Variants in ECT2 observed in about 807,000 individuals in gnomAD.
ECT2 encodes epithelial cell transforming 2.
ECT2 carries 61 observed loss-of-function variants against 116.9 expected under a neutral mutation model. The ratio of observed to expected loss-of-function variants is 0.52; its 90% CI spans 0.42 to 0.65. ECT2 has a LOEUF of 0.65. Among genes scored for constraint, ECT2 ranks in the 30% least tolerant of loss-of-function variants. ECT2 has a pLI of 0.00. For synonymous variants in ECT2, 358 were observed against 346.4 expected (o/e 1.03, Z -0.37); for missense variants, 937 against 1,078.7 (o/e 0.87, Z 1.84).
the ECT2 span, among the ~76,000 whole-genome samples, chr3:172,828,235 A>C: frequency 6.6e-6 from 1 of 152,170 alleles, no homozygotes; most frequent in Non-Finnish European, 1.5e-5. Flanking sequence ...GAAGACCTTA[A>C]TTGATATGAT....
intron 13 of ECT2, among the ~76,000 whole-genome samples, chr3:172,773,101 TAAATTTATAA>T (rs1720951023): frequency 6.6e-6 from 1 of 152,224 alleles, no homozygotes; most frequent in Non-Finnish European, 1.5e-5. Context: ...TGATTGGCAC[TAAATTTATAA>T]ATCAATTTGA....
At chr3:172,768,164 T>C (rs1434741314) in intron 12 of ECT2, among the ~76,000 whole-genome samples, 1 of 152,188 alleles carries the variant, frequency 6.6e-6, no homozygotes, top group Admixed American at 6.6e-5. Flanking sequence ...TTGGGTTTTT[T>C]GTGGGGGGGC....
downstream of ECT2, among the ~76,000 whole-genome samples, chr3:172,823,034 GTC>G (rs1278159010): frequency 2.6e-5 from 4 of 150,960 alleles, no homozygotes; most frequent in Admixed American, 2.6e-4. Context: ...ATTGAGCAAA[GTC>G]AATTAAAAAA....
chr3:172,823,613 C>T (rs1730773168), downstream of ECT2, among the ~76,000 whole-genome samples: 1 of 152,072 alleles, frequency 6.6e-6, no homozygotes. Context: ...GCAGCTATCT[C>T]AATAAAGTGA....
chr3:172,761,755 GA>G lies in ECT2; in HGVS notation c.758+78del, dbSNP rs1044569806. The G allele has an allele frequency of 1.3e-5, 14 of 1,076,778 alleles. No homozygotes were observed. In the African/African-American group the frequency reaches 2.1e-4, roughly 16 times the overall value. 66.7% of individuals were successfully genotyped at this position (1,076,778 alleles called of 1,614,324 possible). Reference sequence around the variant, plus strand: ...TGGTTTAAAGATAAATCCATGTGCTGAAAAAAGTAATTTCATAGATATAAAA... The same window carrying G: ...TGGTTTAAAGATAAATCCATGTGCTGAAAAAGTAATTTCATAGATATAAAA... On this transcript the variant is annotated intron_variant, in intron 8 of 24. Transcript: ENST00000392692.
intron 5 of ECT2, among the ~76,000 whole-genome samples, 198 bp downstream of exon 5, chr3:172,757,363 A>G (rs574633143): frequency 6.6e-6 from 1 of 151,884 alleles, no homozygotes. Flanking sequence ...GGCCTTTGAA[A>G]GTTAAATAAT....
chr3:172,820,035 A>G (rs1730480352), intron 24 of ECT2, 113 bp from the exon 25 acceptor site: 1 of 665,030 alleles, frequency 1.5e-6, no homozygotes. Flanking sequence ...TCTTGTACTT[A>G]ATTGTTACAG....
At chr3:172,786,181 T>A (rs564221166) in intron 17 of ECT2, among the ~76,000 whole-genome samples, 1 of 152,302 alleles carries the variant, frequency 6.6e-6, no homozygotes, top group South Asian at 2.1e-4. Flanking sequence ...TTATTGAGGA[T>A]CATGTGTTTT....
In ECT2 at chr3:172,782,288, C is replaced by G. The variant is rs1005159525; in HGVS notation, c.1617+57C>G. 19 of 1,050,634 alleles carry G rather than the reference C, an allele frequency of 1.8e-5. No individual in the cohort carries two copies. The Admixed American group carries it at 3.9e-4, about 21-fold the overall frequency. 65.1% of individuals were successfully genotyped at this position (1,050,634 alleles called of 1,614,324 possible). On this transcript the variant is annotated intron_variant, in intron 15 of 24. Coordinates refer to ENST00000392692, the MANE Select transcript of ECT2 (RefSeq NM_001258315.2). Reference sequence around the variant, plus strand: ...GATTAAAATATGATCTCATCAAGGACTGGCAAGGAGTGTAATTTGCCTATT... The same window carrying G: ...GATTAAAATATGATCTCATCAAGGAGTGGCAAGGAGTGTAATTTGCCTATT...
At chr3:172,804,546 C>T (rs1033521128) in intron 20 of ECT2, among the ~76,000 whole-genome samples, 21 of 152,102 alleles carry the variant, frequency 1.4e-4, no homozygotes, top group South Asian at 2.1e-4. Flanking sequence ...TATCTGGATT[C>T]GCATCATCAT....
chr3:172,788,358 A>G (rs1576954882), intron 18 of ECT2, among the ~76,000 whole-genome samples: 2 of 152,236 alleles, frequency 1.3e-5, no homozygotes, highest in Non-Finnish European at 2.9e-5. Flanking sequence ...ATATGTTTTT[A>G]GTTCAAATAT....
chr3:172,808,997 A>G (rs1290163480), intron 22 of ECT2, among the ~76,000 whole-genome samples: 1 of 152,164 alleles, frequency 6.6e-6, no homozygotes, highest in Admixed American at 6.6e-5. Flanking sequence ...AATGCTAACA[A>G]ATACAATAGA....
intron 21 of ECT2, 82 bp from the exon 22 acceptor site, chr3:172,807,688 G>T: frequency 2.1e-6 from 3 of 1,450,874 alleles, no homozygotes; most frequent in Non-Finnish European, 2.8e-6. Flanking sequence ...GAATTTCATT[G>T]CTCTGAGGGA....
intron 12 of ECT2, 126 bp downstream of exon 12, chr3:172,764,626 T>A: frequency 1.2e-6 from 1 of 841,996 alleles, no homozygotes; most frequent in Non-Finnish European, 1.8e-6. Flanking sequence ...GTTCTAGCTG[T>A]AGAGAAAAGA....
chr3:172,778,053 G>C (rs1722056916), intron 14 of ECT2, among the ~76,000 whole-genome samples: 1 of 152,182 alleles, frequency 6.6e-6, no homozygotes, highest in African/African-American at 2.4e-5. Flanking sequence ...AATGAGCTCA[G>C]CAAAAGAGAA....
intron 16 of ECT2, 76 bp from the exon 17 acceptor site, chr3:172,784,631 G>A (rs1723295793): frequency 1.0e-6 from 1 of 995,530 alleles, no homozygotes; most frequent in East Asian, 2.4e-5. Flanking sequence ...TAATGATAAG[G>A]TGTACTCCAG....
intron 18 of ECT2, among the ~76,000 whole-genome samples, chr3:172,791,686 G>A (rs1008597899): frequency 1.3e-5 from 2 of 152,102 alleles, no homozygotes; most frequent in African/African-American, 2.4e-5. Context: ...ATAGTGGCTT[G>A]TTCTGGATTG....
At chr3:172,774,165 C>T (rs1343301882) in intron 14 of ECT2, 143 bp downstream of exon 14, 4 of 778,292 alleles carry the variant, frequency 5.1e-6, no homozygotes, top group Middle Eastern at 3.9e-4. Flanking sequence ...AATCATTTGT[C>T]TCTTTGTTCC....
intron 1 of ECT2, among the ~76,000 whole-genome samples, chr3:172,751,339 G>C (rs1715764401): frequency 6.6e-6 from 1 of 152,238 alleles, no homozygotes. Flanking sequence ...GCACAGATGT[G>C]TCCGGCTTAG....
Sources: allele counts gnomAD v4.1 joint callset (sites outside exome capture counted in the v4.1 genomes callset), GRCh38; gene constraint gnomAD v4.1.1; transcripts MANE v1.5; gene names NCBI Gene and HGNC (gene_info 2026-07-23, HGNC 2026-07-21).